The following FSD1L variants were observed in gnomAD, a reference collection of about 807,000 sequenced individuals.
FSD1L encodes fibronectin type III and SPRY domain containing 1 like, also known as FSD1-like protein.
FSD1L carries 45 observed loss-of-function variants against 71.6 expected under a neutral mutation model. The ratio of observed to expected loss-of-function variants is 0.63; its 90% confidence interval spans 0.49 to 0.81. The LOEUF is 0.81. Among genes scored for constraint, FSD1L ranks in the 30% least tolerant of loss-of-function variants. FSD1L has a pLI of 0.00. For synonymous variants in FSD1L, 197 were observed against 207.2 expected (o/e 0.95, Z 0.42); for missense variants, 561 against 618.1 (o/e 0.91, Z 0.98).
At chr9:105,498,589 G>T (rs897718336) in intron 7 of FSD1L, among the ~76,000 whole-genome samples, 1 of 152,280 alleles carries the variant, frequency 6.6e-6, no homozygotes, top group African/African-American at 2.4e-5. Context: ...TGTATATGTG[G>T]TCTGTCATTG....
intron 10 of FSD1L, chr9:105,530,663 C>A (rs898545577): frequency 7.8e-6 from 5 of 638,904 alleles, no homozygotes; most frequent in South Asian, 1.8e-5. Context: ...ATGCATGTTT[C>A]CTCTCAGCAG....
intron 10 of FSD1L, chr9:105,530,590 T>C (rs1210131855): frequency 2.9e-6 from 2 of 693,226 alleles, no homozygotes; most frequent in Non-Finnish European, 5.2e-6. Context: ...AATTTTTCTC[T>C]TTATTTGTAT....
intron 3 of FSD1L, among the ~76,000 whole-genome samples, chr9:105,467,377 C>T (rs974349646): frequency 3.9e-5 from 6 of 152,260 alleles, no homozygotes; most frequent in Admixed American, 3.9e-4. Flanking sequence ...AGAATTTCTT[C>T]TATCTCATAA....
chr9:105,522,482 C>T (rs926583949), intron 10 of FSD1L: 113 of 1,613,644 alleles, frequency 7.0e-5, no homozygotes, highest in South Asian at 6.6e-4. Context: ...CTCCAGGAAC[C>T]GAAAAGGCGA....
At chr9:105,497,377 T>C (rs1279426728) in intron 7 of FSD1L, among the ~76,000 whole-genome samples, 2 of 152,206 alleles carry the variant, frequency 1.3e-5, no homozygotes, top group African/African-American at 4.8e-5. Context: ...GCTGGCCTCA[T>C]AGAAAGAGTT....
rs192105610 is a variant in FSD1L, at chr9:105,463,090, A to C, written c.112-1146A>C. Among the ~76,000 whole-genome samples the C allele has an allele frequency of 9.9e-5, 15 of 151,676 alleles. No individual in the cohort carries two copies. In the East Asian group the frequency reaches 3.0e-3, roughly 30 times the overall value. On this transcript the variant is annotated intron_variant, in intron 2 of 13. Coordinates refer to ENST00000481272, the MANE Select transcript of FSD1L (RefSeq NM_001145313.3). ...GAGGTGGAGGTTGCAGTGAGCCGAG[A>C]TCACGCCATTGCACTCCAACCTGGG...
Position 105,546,682 on chromosome 9 carries a change from C to T in FSD1L, c.*199C>T, listed in dbSNP as rs889764096. ...CAGTATCATAGAAGCAAGCAGATAC[C>T]AAGCAAAAAACTGATGATTGAAGAG... is the stretch of plus-strand genomic sequence containing the variant. On this transcript the variant is annotated 3_prime_UTR_variant, in exon 14 of 14. Coordinates refer to ENST00000481272, the MANE Select transcript of FSD1L (RefSeq NM_001145313.3). 1 of 370,900 alleles carries T rather than the reference C, an allele frequency of 2.7e-6. No homozygotes were observed. Among genetic ancestry groups the T allele is most frequent in the Non-Finnish European group, 4.7e-6 (1 of 210,718 alleles). The allele number at this position is 370,900 out of a possible 1,614,324, so 23.0% of individuals were successfully genotyped here. A position where few individuals can be genotyped will look rare whatever the true frequency, so the allele number is the denominator to read the frequency against.
chr9:105,488,636 A>G (rs1027780134), intron 7 of FSD1L, among the ~76,000 whole-genome samples: 4 of 152,218 alleles, frequency 2.6e-5, no homozygotes, highest in South Asian at 2.1e-4. Context: ...CCCACAAGCA[A>G]TGAATAGAGT....
At chr9:105,522,631 C>G in intron 10 of FSD1L, 1 of 1,612,700 alleles carries the variant, frequency 6.2e-7, no homozygotes, top group East Asian at 2.2e-5. Context: ...CAGCCATTGC[C>G]TTGAAGTAGC....
chr9:105,527,861 G>T (rs1031847571), intron 10 of FSD1L, among the ~76,000 whole-genome samples: 1 of 152,152 alleles, frequency 6.6e-6, no homozygotes, highest in Non-Finnish European at 1.5e-5. Flanking sequence ...AATTGTCTCT[G>T]TTTGCAGATG....
chr9:105,520,553 A>G (rs545850238), intron 10 of FSD1L: 1 of 1,272,338 alleles, frequency 7.9e-7, no homozygotes, highest in Admixed American at 1.7e-5. Flanking sequence ...GAAAGAATTC[A>G]TCAGCCATGG....
intron 1 of FSD1L, among the ~76,000 whole-genome samples, chr9:105,451,108 C>T (rs139959056): frequency 0.016 from 2,399 of 151,872 alleles, 90 homozygotes; most frequent in African/African-American, 0.055. Flanking sequence ...TACAGGCTCC[C>T]GCCACCACGC....
intron 10 of FSD1L, chr9:105,520,095 A>T (rs1835036108): frequency 1.9e-6 from 3 of 1,541,450 alleles, no homozygotes; most frequent in Non-Finnish European, 2.6e-6. Context: ...CGGCTGTGGC[A>T]GTGGCAGTGG....
At chr9:105,503,538 C>T (rs1210258765) in intron 7 of FSD1L, among the ~76,000 whole-genome samples, 14 of 152,148 alleles carry the variant, frequency 9.2e-5, no homozygotes, top group Non-Finnish European at 1.5e-5. Context: ...TGCCACTTAC[C>T]TTTTACATTC....
At chr9:105,478,104 G>A (rs985806656) in intron 5 of FSD1L, among the ~76,000 whole-genome samples, 2 of 152,146 alleles carry the variant, frequency 1.3e-5, no homozygotes, top group Admixed American at 1.3e-4. Context: ...AATTTGCCGG[G>A]CGTGGTGGCG....
Position 105,448,091 on chromosome 9 carries a change from TG to T in FSD1L, c.-126del. On this transcript the variant is annotated 5_prime_UTR_variant, in exon 1 of 14. Coordinates refer to ENST00000481272, the MANE Select transcript of FSD1L (RefSeq NM_001145313.3). The stretch of plus-strand genomic sequence containing the variant: ...CGCGCGCGGTCTGGGCGCGGACGGG[TG>T]GGGCCGGGCGGTGCCGGTGCGGGCT... The T allele has an allele frequency of 9.4e-7, 1 of 1,062,530 alleles. No individual in the cohort carries two copies. The highest frequency in any genetic ancestry group is 1.7e-5 in the African/African-American group (1 of 60,010). The allele number at this position is 1,062,530 out of a possible 1,614,324, so 65.8% of individuals were successfully genotyped here. A position where few individuals can be genotyped will look rare whatever the true frequency, so the allele number is the denominator to read the frequency against.
At chr9:105,536,851 G>C (rs535708667) in intron 12 of FSD1L, among the ~76,000 whole-genome samples, 6 of 152,162 alleles carry the variant, frequency 3.9e-5, no homozygotes, top group African/African-American at 1.4e-4. Context: ...TGGCCAGGCT[G>C]GTCTCAAACT....
In FSD1L at chr9:105,470,203, G is replaced by A. The variant is rs547505407; in HGVS notation, c.340-1701G>A. Among the ~76,000 whole-genome samples, 325 of 152,168 alleles carry A rather than the reference G, an allele frequency of 2.1e-3. 4 individuals carry two copies. The highest frequency in any genetic ancestry group is 6.8e-3 in the Middle Eastern group (2 of 294). On this transcript the variant is annotated intron_variant, in intron 4 of 13. Transcript: ENST00000481272. Reference sequence around the variant, plus strand: ...TGAAATCAGGAATGTTGAGGCATTCGACTTTTTTCTCTTTCAAAATTGTGC... The same window carrying A: ...TGAAATCAGGAATGTTGAGGCATTCAACTTTTTTCTCTTTCAAAATTGTGC...
At chr9:105,493,045 T>A (rs1324818663) in intron 7 of FSD1L, among the ~76,000 whole-genome samples, 1 of 152,182 alleles carries the variant, frequency 6.6e-6, no homozygotes, top group Non-Finnish European at 1.5e-5. Context: ...GTTGAATTCC[T>A]GGATATCCTT....
Sources: gnomAD v4.1 joint callset for allele counts (sites outside exome capture counted in the v4.1 genomes callset) on GRCh38, gnomAD v4.1.1 for gene constraint, MANE v1.5 for transcripts, NCBI Gene and HGNC (gene_info 2026-07-23, HGNC 2026-07-21) for gene names.